The following CACNA2D1 variants were observed in gnomAD, a reference collection of about 807,000 sequenced individuals.
CACNA2D1 encodes voltage-dependent calcium channel subunit alpha-2/delta-1.
Under a neutral mutation model 171.5 loss-of-function variants are expected in CACNA2D1, and 53 were observed. The observed-to-expected ratio is 0.31, with a 90% CI of 0.25 to 0.39. The LOEUF (loss-of-function observed/expected upper bound fraction) is 0.39. CACNA2D1 is among the 10% of genes least tolerant of loss of function. The pLI, the probability that CACNA2D1 is intolerant of heterozygous loss-of-function variation, is 1.00. For synonymous variants in CACNA2D1, 442 were observed against 443.1 expected (o/e 1.00, Z 0.03); for missense variants, 903 against 1,299.8 (o/e 0.69, Z 4.69).
intron 3 of CACNA2D1, among the ~76,000 whole-genome samples, chr7:82,267,302 A>C (rs150732872): frequency 2.6e-5 from 4 of 152,170 alleles, no homozygotes; most frequent in African/African-American, 9.6e-5. Flanking sequence ...CTTTACTTAC[A>C]TTTTGCCCAT....
intron 2 of CACNA2D1, among the ~76,000 whole-genome samples, chr7:82,340,458 A>G (rs1270973685): frequency 3.3e-5 from 5 of 150,982 alleles, no homozygotes; most frequent in African/African-American, 4.9e-5. Flanking sequence ...GGCGTGAGCC[A>G]CAGCACCCAG....
intron 6 of CACNA2D1, 98 bp downstream of exon 6, chr7:82,116,946 A>G: frequency 7.7e-7 from 1 of 1,297,184 alleles, no homozygotes; most frequent in Non-Finnish European, 1.1e-6. Flanking sequence ...CAAACAAAAC[A>G]ATGTCACATT....
chr7:82,175,470 C>G (rs116583051), intron 3 of CACNA2D1, among the ~76,000 whole-genome samples: 1,548 of 152,104 alleles, frequency 0.01, 28 homozygotes, highest in African/African-American at 0.036. Flanking sequence ...GTTGACAATT[C>G]AATTATCACT....
At chr7:82,324,174 T>G (rs1816339496) in intron 3 of CACNA2D1, among the ~76,000 whole-genome samples, 1 of 151,958 alleles carries the variant, frequency 6.6e-6, no homozygotes, top group South Asian at 2.1e-4. Context: ...CTGGCTAACA[T>G]GGTGAAACCC....
chr7:82,305,075 C>T (rs1235816175), intron 3 of CACNA2D1, among the ~76,000 whole-genome samples: 1 of 152,038 alleles, frequency 6.6e-6, no homozygotes. Flanking sequence ...CCTAACTCTA[C>T]CACTAATTAA....
At chr7:82,372,246 C>A (rs1279107822) in intron 1 of CACNA2D1, among the ~76,000 whole-genome samples, 1 of 152,032 alleles carries the variant, frequency 6.6e-6, no homozygotes, top group East Asian at 1.9e-4. Context: ...TTGTATGATA[C>A]AAAAAGCATG....
intron 20 of CACNA2D1, 97 bp downstream of exon 20, chr7:81,994,771 A>C (rs1043664104): frequency 1.5e-6 from 1 of 685,426 alleles, no homozygotes; most frequent in Non-Finnish European, 2.6e-6. Flanking sequence ...CTGTTTTATA[A>C]GTAAATAGTG....
Position 82,162,389 on chromosome 7 carries a change from G to A in CACNA2D1, c.354+8161C>T, listed in dbSNP as rs556410177. Among the ~76,000 whole-genome samples, 118 of 152,048 alleles carry A rather than the reference G, an allele frequency of 7.8e-4. 2 individuals are homozygous for A. In the South Asian group the frequency reaches 0.014, roughly 18 times the overall value. ...TTTTTGATTAACGAAAGAGAAGATAGCATAAGAAAGAAATCCACGGCTAGG... is the reference window on the plus strand; with the variant it reads ...TTTTTGATTAACGAAAGAGAAGATAACATAAGAAAGAAATCCACGGCTAGG... On this transcript the variant is annotated intron_variant, in intron 4 of 38. Transcript: ENST00000356860.
intron 1 of CACNA2D1, among the ~76,000 whole-genome samples, chr7:82,409,188 T>C (rs2108054): frequency 0.039 from 5,895 of 152,254 alleles, 210 homozygotes; most frequent in East Asian, 0.12. Context: ...GTGCCTTCTA[T>C]ATAGTAGGTA....
At position 82,096,725 on chromosome 7, in the gene CACNA2D1, A is replaced by G. The variant is rs372379887; in HGVS notation, c.527-11825T>C. On this transcript the variant is annotated intron_variant, in intron 6 of 38. Coordinates refer to ENST00000356860, the MANE Select transcript of CACNA2D1 (RefSeq NM_000722.4). ...ATCCAAACAGATACAGATGGCACAA[A>G]AGAGTATTGTGACAGATTACAGTTT... 1.9e-3 allele frequency among the ~76,000 whole-genome samples: 272 copies of G among 145,824 alleles called. 5 individuals carry two copies. Among genetic ancestry groups the G allele is most frequent in the African/African-American group, 6.6e-3 (265 of 40,016 alleles).
rs550701635 is a variant in CACNA2D1 at position 82,218,923 on chromosome 7, T to G, written c.295-48314A>C. On this transcript the variant is annotated intron_variant, in intron 3 of 38. Coordinates refer to ENST00000356860, the MANE Select transcript of CACNA2D1 (RefSeq NM_000722.4). ...TATTATCAAAATAAAAATATTAGCC[T>G]ATATTTAAGAGAAATGAGCATATGT... 3.3e-5 allele frequency among the ~76,000 whole-genome samples: 5 copies of G among 152,258 alleles called. No individual in the cohort carries two copies. In the East Asian group the frequency reaches 9.6e-4, roughly 29 times the overall value.
chr7:81,954,574 C>A (rs867893902), intron 38 of CACNA2D1, among the ~76,000 whole-genome samples: 101 of 152,114 alleles, frequency 6.6e-4, no homozygotes, highest in African/African-American at 2.4e-3. Context: ...CCATTCAGAA[C>A]CTGGGACAAC....
intron 6 of CACNA2D1, among the ~76,000 whole-genome samples, chr7:82,104,374 T>C (rs1487899692): frequency 6.6e-6 from 1 of 152,028 alleles, no homozygotes; most frequent in East Asian, 1.9e-4. Context: ...ATTAGACTGA[T>C]TTTGGTTTAA....
At chr7:81,954,863 A>C (rs1793037472) in intron 38 of CACNA2D1, among the ~76,000 whole-genome samples, 1 of 152,116 alleles carries the variant, frequency 6.6e-6, no homozygotes, top group Non-Finnish European at 1.5e-5. Context: ...GATACTGCAT[A>C]ATAATAGGAA....
At chr7:82,130,572 G>C (rs1003411266) in intron 5 of CACNA2D1, among the ~76,000 whole-genome samples, 3 of 152,000 alleles carry the variant, frequency 2.0e-5, no homozygotes, top group Non-Finnish European at 4.4e-5. Context: ...TATTAGAGCA[G>C]TGAAAGGAAA....
chr7:82,369,315 C>A (rs2129448055), intron 1 of CACNA2D1, among the ~76,000 whole-genome samples: 1 of 151,504 alleles, frequency 6.6e-6, no homozygotes, highest in Middle Eastern at 3.4e-3. Context: ...ACTGTCTTTG[C>A]CACCCCCTTC....
chr7:82,284,216 G>GA (rs1044128803), intron 3 of CACNA2D1, among the ~76,000 whole-genome samples: 1 of 150,046 alleles, frequency 6.7e-6, no homozygotes, highest in Admixed American at 6.7e-5. Flanking sequence ...AAAGAAAAAG[G>GA]AAAAAAACTA....
intron 2 of CACNA2D1, among the ~76,000 whole-genome samples, chr7:82,341,818 T>G (rs1038471401): frequency 6.6e-6 from 1 of 151,516 alleles, no homozygotes; most frequent in African/African-American, 2.4e-5. Context: ...GAGGCCGAGG[T>G]GGGCGGATCA....
intron 3 of CACNA2D1, among the ~76,000 whole-genome samples, chr7:82,296,505 T>A (rs1401153973): frequency 6.6e-6 from 1 of 152,194 alleles, no homozygotes; most frequent in Non-Finnish European, 1.5e-5. Context: ...GGAAGGATTT[T>A]AGAGAAATTT....
Sources: gnomAD v4.1 joint callset for allele counts (sites outside exome capture counted in the v4.1 genomes callset) on GRCh38, gnomAD v4.1.1 for gene constraint, MANE v1.5 for transcripts, NCBI Gene and HGNC (gene_info 2026-07-23, HGNC 2026-07-21) for gene names.